Variants in SEMA6A observed in about 807,000 individuals in gnomAD.
SEMA6A encodes semaphorin-6A.
Under a neutral mutation model 96.8 loss-of-function variants are expected in SEMA6A, and 25 were observed. The ratio of observed to expected loss-of-function variants is 0.26; its 90% CI spans 0.19 to 0.36. The LOEUF (loss-of-function observed/expected upper bound fraction) is 0.36. Among genes scored for constraint, SEMA6A ranks in the 10% least tolerant of loss-of-function variants. SEMA6A has a pLI of 1.00. For missense variants in SEMA6A, 1,363 were observed against 1,323.1 expected (o/e 1.03, Z -0.47); for synonymous variants, 612 against 518.0 (o/e 1.18, Z -2.46).
In SEMA6A at chr5:116,478,119, A is replaced by T. The variant is rs759436693; in HGVS notation, c.1463T>A (p.Met488Lys). The T allele has an allele frequency of 6.2e-7, 1 of 1,613,826 alleles. No individual in the cohort carries two copies. The highest frequency in any genetic ancestry group is 8.5e-7 in the Non-Finnish European group (1 of 1,179,866). ...GCTTGCTCTGTCCAGCTGCATGCCC[A>T]TGATCCTTTTGTCTTCGACTCCATC... is the stretch of plus-strand genomic sequence containing the variant. The part of the protein sequence containing the change: ...SYDGVEDKRI[M>K]GMQLDRASSS... Residue 488 changes from methionine (M) to lysine (K), a missense_variant, in exon 14 of 19, where the codon ATG becomes AAG. This residue lies in a region of SEMA6A where 883 missense variants were observed against 763.6 expected (regional missense o/e 1.16). Transcript: ENST00000343348.
chr5:116,473,229 C>G (rs1050072970), intron 16 of SEMA6A, 136 bp from the exon 17 acceptor site: 20 of 797,226 alleles, frequency 2.5e-5, no homozygotes, highest in South Asian at 1.1e-4. Flanking sequence ...TTTTTAATTT[C>G]TGCGTGTAAT....
At chr5:116,526,497 T>C (rs968860490) in intron 1 of SEMA6A, among the ~76,000 whole-genome samples, 1 of 152,192 alleles carries the variant, frequency 6.6e-6, no homozygotes, top group Admixed American at 6.5e-5. Context: ...CAATGAATGA[T>C]CTAAAATACA....
chr5:116,482,569 A>G lies in SEMA6A; in HGVS notation c.969T>C (p.Pro323=). ...TGTCATAGGCACAGACTGCAGACCC[A>G]GGGATGCTACAACATGATATTTCAC... ...ATFSTPYNSI[P]GSAVCAYDML... The change falls in exon 11 of 19, where the codon CCT becomes CCC. Residue 323 remains proline, a synonymous_variant. Transcript: ENST00000343348. 8 of 1,613,538 alleles carry G rather than the reference A, an allele frequency of 5.0e-6. No homozygotes were observed. The highest frequency in any genetic ancestry group is 5.1e-6 in the Non-Finnish European group (6 of 1,179,586).
In SEMA6A at chr5:116,447,384, G is replaced by A. The variant is rs1340567470; in HGVS notation, c.2322C>T (p.Ser774=). 2 of 1,613,884 alleles carry A rather than the reference G, an allele frequency of 1.2e-6. No individual in the cohort carries two copies. Among genetic ancestry groups the A allele is most frequent in the African/African-American group, 2.7e-5 (2 of 74,944 alleles). The change falls in exon 19 of 19, where the codon AGC becomes AGT. Residue 774 remains serine, a synonymous_variant. Coordinates refer to ENST00000343348, the MANE Select transcript of SEMA6A (RefSeq NM_020796.5). ...GGTTCTGGTTCCTCTCCCACTCGCG[G>A]CTGCCGCGGCTGGGCTTCCGCTTCT... is the stretch of plus-strand genomic sequence containing the variant. ...LQQKRKPSRG[S]REWERNQNLI...
At chr5:116,516,645 C>T (rs190175296) in intron 1 of SEMA6A, among the ~76,000 whole-genome samples, 77 of 152,242 alleles carry the variant, frequency 5.1e-4, no homozygotes, top group African/African-American at 1.7e-3. Context: ...GGAGAGAAGA[C>T]GATTCACTAG....
At chr5:116,555,922 A>G (rs1760588132) in intron 1 of SEMA6A, among the ~76,000 whole-genome samples, 1 of 152,194 alleles carries the variant, frequency 6.6e-6, no homozygotes, top group East Asian at 1.9e-4. Flanking sequence ...TTGTGTTTCC[A>G]AATACACAAT....
intron 18 of SEMA6A, among the ~76,000 whole-genome samples, chr5:116,457,651 T>C (rs1313871664): frequency 6.6e-6 from 1 of 152,168 alleles, no homozygotes; most frequent in Non-Finnish European, 1.5e-5. Flanking sequence ...TTGCCTGTAA[T>C]TGGCTTTCTG....
rs745335482 is a variant in SEMA6A at position 116,478,535 on chromosome 5, C to T, written c.1427+7G>A. 8 of 1,599,708 alleles carry T rather than the reference C, an allele frequency of 5.0e-6. No homozygotes were observed. The African/African-American group carries it at 9.4e-5, about 19-fold the overall frequency. On this transcript the variant is annotated splice_region_variant and intron_variant, in intron 13 of 18. Transcript: ENST00000343348. ...ATTACTAAGAAAGAACCAAATATTC[C>T]ACTTACTTTTCAGAGTTGTAAACAC...
At chr5:116,491,166 G>A (rs1191202868) in intron 7 of SEMA6A, among the ~76,000 whole-genome samples, 1 of 152,172 alleles carries the variant, frequency 6.6e-6, no homozygotes, top group African/African-American at 2.4e-5. Context: ...ATTGCTCTGA[G>A]AGAGCTTCCA....
intron 1 of SEMA6A, among the ~76,000 whole-genome samples, chr5:116,560,833 T>A (rs1042825917): frequency 1.3e-5 from 2 of 152,094 alleles, no homozygotes; most frequent in African/African-American, 4.8e-5. Flanking sequence ...CTCCTAGCAA[T>A]GGTATTTCAC....
chr5:116,516,131 C>T (rs1243779759), intron 1 of SEMA6A, among the ~76,000 whole-genome samples: 1 of 152,102 alleles, frequency 6.6e-6, no homozygotes, highest in Admixed American at 6.5e-5. Context: ...TTCCCAGAAC[C>T]CTGAAAGCCA....
intron 2 of SEMA6A, among the ~76,000 whole-genome samples, chr5:116,503,540 T>C (rs1285367784): frequency 6.7e-6 from 1 of 148,442 alleles, no homozygotes; most frequent in Non-Finnish European, 1.5e-5. Flanking sequence ...TGAGACAGAG[T>C]CTCGCTCTGT....
intron 12 of SEMA6A, 104 bp from the exon 13 acceptor site, chr5:116,478,822 C>G: frequency 2.7e-6 from 3 of 1,101,390 alleles, no homozygotes; most frequent in Non-Finnish European, 2.6e-6. Flanking sequence ...GTAATAACCT[C>G]AAGAAAAATA....
intron 5 of SEMA6A, 123 bp downstream of exon 5, chr5:116,496,128 A>G (rs927300651): frequency 2.4e-6 from 2 of 818,612 alleles, no homozygotes; most frequent in East Asian, 2.6e-5. Flanking sequence ...GTTGATGAAA[A>G]AAGCAATTAC....
intron 1 of SEMA6A, among the ~76,000 whole-genome samples, chr5:116,552,504 A>G (rs1760456258): frequency 6.6e-6 from 1 of 151,996 alleles, no homozygotes; most frequent in Admixed American, 6.6e-5. Context: ...ATGATTTGCT[A>G]ATAAATGAAA....
chr5:116,482,609 A>C (rs1183816129), intron 10 of SEMA6A, 34 bp from the exon 11 acceptor site: 1 of 1,611,068 alleles, frequency 6.2e-7, no homozygotes, highest in Non-Finnish European at 8.5e-7. Context: ...AGTGTTACTC[A>C]TGCAATGGTT....
intron 18 of SEMA6A, among the ~76,000 whole-genome samples, chr5:116,463,382 T>C (rs1398244407): frequency 1.3e-5 from 2 of 152,190 alleles, no homozygotes; most frequent in African/African-American, 4.8e-5. Flanking sequence ...GATTAAATAA[T>C]TAACTATAAA....
intron 1 of SEMA6A, among the ~76,000 whole-genome samples, chr5:116,532,532 T>C (rs976373040): frequency 2.0e-5 from 3 of 152,148 alleles, no homozygotes; most frequent in Non-Finnish European, 4.4e-5. Flanking sequence ...CTGCCTGTTC[T>C]TTTTCTGATC....
Position 116,478,504 on chromosome 5 carries a change from C to G in SEMA6A, c.1427+38G>C, listed in dbSNP as rs758765431. 1.9e-6 allele frequency: 3 copies of G among 1,549,370 alleles called. No individual in the cohort carries two copies. In the Admixed American group the frequency reaches 5.8e-5, roughly 30 times the overall value. On this transcript the variant is annotated intron_variant, in intron 13 of 18. Coordinates refer to ENST00000343348, the MANE Select transcript of SEMA6A (RefSeq NM_020796.5). ...AATGAAAGGGGCCATAATAGCATAA[C>G]AAATAATTACTAAGAAAGAACCAAA...
Sources: allele counts gnomAD v4.1 joint callset (sites outside exome capture counted in the v4.1 genomes callset), GRCh38; gene constraint gnomAD v4.1.1; regional missense constraint gnomAD v4.1.1; transcripts MANE v1.5; gene names NCBI Gene and HGNC (gene_info 2026-07-23, HGNC 2026-07-21).